The following LPL variants were observed in gnomAD, a reference collection of about 807,000 sequenced individuals.
The protein encoded by LPL is lipoprotein lipase, also known as phospholipase A1.
LPL carries 43 observed loss-of-function variants against 52.2 expected under a neutral mutation model. The ratio of observed to expected loss-of-function variants is 0.82; its 90% CI spans 0.64 to 1.06. The LOEUF is 1.06. Ranked by LOEUF, LPL falls within the 50% of genes least tolerant of loss-of-function variation. The pLI, the probability that LPL is intolerant of heterozygous loss-of-function variation, is 0.00. For missense variants in LPL, 639 were observed against 585.3 expected (o/e 1.09, Z -0.95); for synonymous variants, 244 against 215.6 (o/e 1.13, Z -1.15).
chr8:19,963,694 A>G (rs577295856), intron 9 of LPL, among the ~76,000 whole-genome samples: 8 of 152,140 alleles, frequency 5.3e-5, no homozygotes, highest in Non-Finnish European at 8.8e-5. Flanking sequence ...ACAAAAATAG[A>G]ATTATGGTGT....
Position 19,965,433 on chromosome 8 carries a change from A to G in LPL, c.*123A>G, listed in dbSNP as rs903419038. On this transcript the variant is annotated 3_prime_UTR_variant, in exon 10 of 10. Transcript: ENST00000650287. Reference sequence around the variant, plus strand: ...GTTTCAAAAGTGGATTTTCCTGAATATTAATCCCAGCCCTACCCTTGTTAG... The same window carrying G: ...GTTTCAAAAGTGGATTTTCCTGAATGTTAATCCCAGCCCTACCCTTGTTAG... 5.4e-6 allele frequency: 4 copies of G among 738,466 alleles called. No homozygotes were observed. The highest frequency in any genetic ancestry group is 5.2e-5 in the African/African-American group (3 of 57,936). 45.7% of individuals were successfully genotyped at this position (738,466 alleles called of 1,614,324 possible).
chr8:19,940,516 A>G (rs1024901121), intron 1 of LPL, among the ~76,000 whole-genome samples: 2 of 152,372 alleles, frequency 1.3e-5, no homozygotes, highest in African/African-American at 2.4e-5. Flanking sequence ...AGAATGTCTC[A>G]GACCTGTCCG....
intron 6 of LPL, among the ~76,000 whole-genome samples, chr8:19,957,788 C>A (rs1235146125): frequency 6.6e-6 from 1 of 152,046 alleles, no homozygotes; most frequent in Admixed American, 6.6e-5. Context: ...CAGAAGTTCA[C>A]AACATTTATT....
At chr8:19,948,046 C>A in intron 1 of LPL, 134 bp from the exon 2 acceptor site, 1 of 861,884 alleles carries the variant, frequency 1.2e-6, no homozygotes, top group Non-Finnish European at 2.0e-6. Context: ...TTGCAATCCA[C>A]ATTCGTTTTC....
intron 9 of LPL, among the ~76,000 whole-genome samples, 199 bp from the exon 10 acceptor site, chr8:19,965,111 T>C (rs917948291): frequency 6.6e-6 from 1 of 152,188 alleles, no homozygotes; most frequent in Non-Finnish European, 1.5e-5. Flanking sequence ...GGCTAAATAG[T>C]TGCTCCAGTG....
At chr8:19,943,758 C>A (rs965421000) in intron 1 of LPL, among the ~76,000 whole-genome samples, 1 of 152,190 alleles carries the variant, frequency 6.6e-6, no homozygotes, top group Non-Finnish European at 1.5e-5. Flanking sequence ...TAATACACAT[C>A]TCTGAACCTA....
intron 9 of LPL, 84 bp downstream of exon 9, chr8:19,962,303 T>C: frequency 1.0e-6 from 1 of 991,804 alleles, no homozygotes; most frequent in Non-Finnish European, 1.6e-6. Flanking sequence ...CTTCACCCCA[T>C]CACCAGCAGC....
intron 5 of LPL, among the ~76,000 whole-genome samples, chr8:19,954,688 G>A: frequency 6.6e-6 from 1 of 152,174 alleles, no homozygotes; most frequent in Non-Finnish European, 1.5e-5. Context: ...GAATGTAGCT[G>A]CAAAGCCAAT....
intron 1 of LPL, among the ~76,000 whole-genome samples, chr8:19,942,141 A>T (rs1198312672): frequency 6.6e-6 from 1 of 151,934 alleles, no homozygotes; most frequent in African/African-American, 2.4e-5. Flanking sequence ...GCGATGGAAA[A>T]TTTTCGCTTT....
At chr8:19,946,515 T>A (rs902316318) in intron 1 of LPL, 9 of 250,974 alleles carry the variant, frequency 3.6e-5, no homozygotes, top group African/African-American at 1.9e-4. Context: ...GACACTCTTA[T>A]TTTTATTATT....
intron 2 of LPL, among the ~76,000 whole-genome samples, chr8:19,949,719 G>A (rs2069916797): frequency 6.6e-6 from 1 of 152,180 alleles, no homozygotes; most frequent in Non-Finnish European, 1.5e-5. Flanking sequence ...CTGACCTCAA[G>A]TGATCTACCC....
chr8:19,960,857 A>G, intron 7 of LPL, 44 bp from the exon 8 acceptor site: 2 of 1,437,422 alleles, frequency 1.4e-6, no homozygotes, highest in South Asian at 1.1e-5. Context: ...GGGCAGGGAG[A>G]GCTGATCTCT....
intron 9 of LPL, among the ~76,000 whole-genome samples, chr8:19,964,605 A>G (rs1004566416): frequency 5.3e-5 from 8 of 151,984 alleles, no homozygotes; most frequent in East Asian, 1.9e-4. Flanking sequence ...TCTCGGCTCA[A>G]TGCAACTCTG....
chr8:19,944,671 A>G lies in LPL; in HGVS notation c.89-3509A>G, dbSNP rs532028491. Among the ~76,000 whole-genome samples, 1 of 152,066 alleles carries G rather than the reference A, an allele frequency of 6.6e-6. No individual in the cohort carries two copies. The highest frequency in any genetic ancestry group is 2.1e-4 in the South Asian group (1 of 4,814). On this transcript the variant is annotated intron_variant, in intron 1 of 9. Coordinates refer to ENST00000650287, the MANE Select transcript of LPL (RefSeq NM_000237.3). This position sits in a 1 kb window ranked among gnomAD's most constrained non-coding sequence, Gnocchi z 4.2. Reference sequence around the variant, plus strand: ...GAATTACCACTCTTCCCCTCTATACATTTATCTTTCTCTACGTGCTTTAAC... The same window carrying G: ...GAATTACCACTCTTCCCCTCTATACGTTTATCTTTCTCTACGTGCTTTAAC...
rs990866402 is a variant in LPL, at chr8:19,944,842, G to A, written c.89-3338G>A. 6.6e-6 allele frequency among the ~76,000 whole-genome samples: 1 copy of A among 152,148 alleles called. No individual in the cohort carries two copies. The highest frequency in any genetic ancestry group is 1.5e-5 in the Non-Finnish European group (1 of 68,026). On this transcript the variant is annotated intron_variant, in intron 1 of 9. Transcript: ENST00000650287. This position sits in a 1 kb window ranked among gnomAD's most constrained non-coding sequence, Gnocchi z 4.2. ...TCAGGAAAGGCACAATTTATAACTT[G>A]CGTGTTACCCAAAACTCTCCCCTAA...
Position 19,956,076 on chromosome 8 carries a change from C to G in LPL, c.1011C>G (p.Pro337=), listed in dbSNP as rs754788836. The change falls in exon 6 of 10, where the codon CCC becomes CCG. Residue 337 remains proline (P), a synonymous_variant. Coordinates refer to ENST00000650287, the MANE Select transcript of LPL (RefSeq NM_000237.3). ...KMYLKTRSQM[P]YKVFHYQVKI... is the part of the protein sequence containing the mutation. ...ACCTGAAGACTCGTTCTCAGATGCC[C>G]TACAAAGGTAGGCTGGAGACTGTTG... The G allele has an allele frequency of 6.2e-7, 1 of 1,614,088 alleles. No homozygotes were observed. The highest frequency in any genetic ancestry group is 1.1e-5 in the South Asian group (1 of 91,070).
At chr8:19,952,330 C>T (rs1422538634) in intron 3 of LPL, among the ~76,000 whole-genome samples, 1 of 152,150 alleles carries the variant, frequency 6.6e-6, no homozygotes, top group African/African-American at 2.4e-5. Flanking sequence ...ACATACCAAT[C>T]TCTTTCATGA....
intron 6 of LPL, among the ~76,000 whole-genome samples, chr8:19,958,341 T>C (rs291): frequency 0.26 from 39,026 of 151,898 alleles, 5,106 homozygotes; most frequent in African/African-American, 0.31. Context: ...TCTTTTTTCC[T>C]CCATCATCAT....
At position 19,955,939 on chromosome 8, in the gene LPL, A is replaced by G. The variant is rs2069980923; in HGVS notation, c.874A>G (p.Ser292Gly). ...EENPSKAYRC[S>G]SKEAFEKGLC... is the part of the protein sequence containing the mutation. ...AAATCCAAGTAAGGCCTACAGGTGC[A>G]GTTCCAAGGAAGCCTTTGAGAAAGG... The change falls in exon 6 of 10, where the codon AGT becomes GGT. Residue 292 changes from serine to glycine, a missense_variant. By Grantham distance (56) the Ser-to-Gly change is moderately conservative. Transcript: ENST00000650287. 1.2e-6 allele frequency: 2 copies of G among 1,614,078 alleles called. No individual in the cohort carries two copies. The highest frequency in any genetic ancestry group is 1.3e-5 in the African/African-American group (1 of 74,930).
Sources: gnomAD v4.1 joint callset for allele counts (sites outside exome capture counted in the v4.1 genomes callset) on GRCh38, gnomAD v4.1.1 for gene constraint, Gnocchi (gnomAD v3.1) non-coding constraint, MANE v1.5 for transcripts, NCBI Gene and HGNC (gene_info 2026-07-23, HGNC 2026-07-21) for gene names.